SMPX: variants seen among roughly 807,000 people sequenced by gnomAD.
SMPX encodes small muscular protein.
In SMPX, 2 loss-of-function variants were observed where a neutral mutation model predicts 6.3. The ratio of observed to expected loss-of-function variants is 0.32; its 90% CI spans 0.13 to 0.99. SMPX has a LOEUF of 0.99. Ranked by LOEUF, SMPX falls within the 50% of genes least tolerant of loss-of-function variation. SMPX has a pLI of 0.49. For synonymous variants in SMPX, 32 were observed against 24.7 expected (o/e 1.30, Z -0.88); for missense variants, 60 against 66.8 (o/e 0.90, Z 0.36).
At chrX:21,710,703 C>T (rs1439844574) in intron 4 of SMPX, among the ~76,000 whole-genome samples, 2 of 111,417 alleles carry the variant, frequency 1.8e-5, no homozygotes, top group African/African-American at 6.5e-5. Context: ...TCTTTACTTA[C>T]TGCAGCTGAG....
intron 3 of SMPX, among the ~76,000 whole-genome samples, chrX:21,738,381 T>C (rs1028955356): frequency 9.0e-6 from 1 of 111,318 alleles, no homozygotes; most frequent in African/African-American, 3.3e-5. Flanking sequence ...TCTATGCCTC[T>C]ATGTACATAC....
intron 4 of SMPX, among the ~76,000 whole-genome samples, chrX:21,711,525 A>G (rs775431771): frequency 1.8e-5 from 2 of 112,072 alleles, no homozygotes; most frequent in African/African-American, 6.5e-5. Flanking sequence ...TCTAGTTTAC[A>G]TTTGGGAAGG....
At chrX:21,734,581 A>G (rs1450465114) in intron 4 of SMPX, among the ~76,000 whole-genome samples, 1 of 111,584 alleles carries the variant, frequency 9.0e-6, no homozygotes, top group Admixed American at 9.5e-5. Context: ...TTTGTGGCTG[A>G]ACATCCTACC....
intron 4 of SMPX, among the ~76,000 whole-genome samples, chrX:21,720,333 C>T (rs1392844098): frequency 8.9e-6 from 1 of 112,019 alleles, no homozygotes; most frequent in African/African-American, 3.2e-5. Flanking sequence ...CTCCTGATAG[C>T]AGTCATCACC....
intron 4 of SMPX, among the ~76,000 whole-genome samples, chrX:21,737,157 C>T (rs2092811341): frequency 9.0e-6 from 1 of 111,261 alleles, no homozygotes; most frequent in Non-Finnish European, 1.9e-5. Context: ...CTCTGATCCT[C>T]TAGCTCATGA....
intron 4 of SMPX, among the ~76,000 whole-genome samples, chrX:21,716,703 T>C (rs2092785512): frequency 9.0e-6 from 1 of 111,678 alleles, no homozygotes; most frequent in African/African-American, 3.3e-5. Context: ...CTCTTTGTGG[T>C]GCTGATGGTC....
intron 2 of SMPX, among the ~76,000 whole-genome samples, chrX:21,750,841 T>A (rs2092826732): frequency 8.9e-6 from 1 of 112,217 alleles, no homozygotes; most frequent in South Asian, 3.7e-4. Flanking sequence ...CCAAGGCCAT[T>A]CCATGCATTA....
chrX:21,711,402 T>C (rs1325718143), intron 4 of SMPX, among the ~76,000 whole-genome samples: 1 of 111,994 alleles, frequency 8.9e-6, no homozygotes, highest in African/African-American at 3.3e-5. Context: ...TTCTCCTGTA[T>C]GGGGACATTT....
chrX:21,712,830 G>C (rs1258977162), intron 4 of SMPX, among the ~76,000 whole-genome samples: 1 of 112,260 alleles, frequency 8.9e-6, no homozygotes, highest in African/African-American at 3.2e-5. Context: ...TTTATGCCTT[G>C]GCATTCAAGG....
At chrX:21,731,656 G>T (rs922903766) in intron 4 of SMPX, among the ~76,000 whole-genome samples, 2 of 98,232 alleles carry the variant, frequency 2.0e-5, no homozygotes, top group Non-Finnish European at 4.1e-5. Flanking sequence ...ACACATAAGT[G>T]TGTATGTGTA....
At chrX:21,726,309 C>A (rs890330697) in intron 4 of SMPX, among the ~76,000 whole-genome samples, 1 of 112,158 alleles carries the variant, frequency 8.9e-6, no homozygotes, top group Non-Finnish European at 1.9e-5. Flanking sequence ...TCGCAGAACT[C>A]AGATTCCCAA....
At chrX:21,749,640 G>A (rs1471494643) in intron 2 of SMPX, among the ~76,000 whole-genome samples, 1 of 112,025 alleles carries the variant, frequency 8.9e-6, no homozygotes, top group South Asian at 3.7e-4. Flanking sequence ...CTTACAAATT[G>A]TATAATCCTG....
At chrX:21,750,167 G>C (rs1237202887) in intron 2 of SMPX, among the ~76,000 whole-genome samples, 2 of 111,593 alleles carry the variant, frequency 1.8e-5, no homozygotes, top group Non-Finnish European at 3.8e-5. Flanking sequence ...ACAGATCATT[G>C]ATGGGATTAG....
Position 21,743,849 on chromosome X carries a change from A to T in SMPX, c.46-13T>A. 2 of 1,165,220 alleles carry T rather than the reference A, an allele frequency of 1.7e-6. No individual in the cohort carries two copies. Among genetic ancestry groups the T allele is most frequent in the Admixed American group, 4.4e-5 (2 of 45,938 alleles). On this transcript the variant is annotated splice_polypyrimidine_tract_variant and intron_variant, in intron 2 of 4. Coordinates refer to ENST00000379494, the MANE Select transcript of SMPX (RefSeq NM_014332.3). ...TATTGATATTTGCCTAAAAGAGAAA[A>T]CAGGGTAGGTTTAGCTCAAAAAAAG... is the stretch of plus-strand genomic sequence containing the variant.
At chrX:21,720,305 G>A (rs894505433) in intron 4 of SMPX, among the ~76,000 whole-genome samples, 3 of 112,018 alleles carry the variant, frequency 2.7e-5, no homozygotes, top group Admixed American at 1.9e-4. Flanking sequence ...GGTCCACATG[G>A]GAAGGCACCA....
intron 4 of SMPX, among the ~76,000 whole-genome samples, chrX:21,727,798 G>A (rs1472734136): frequency 8.9e-6 from 1 of 112,222 alleles, no homozygotes; most frequent in Admixed American, 9.4e-5. Flanking sequence ...GCAGTGGTAA[G>A]GGAGTACAAG....
intron 2 of SMPX, among the ~76,000 whole-genome samples, chrX:21,750,511 A>G (rs1183416316): frequency 1.8e-5 from 2 of 112,043 alleles, no homozygotes; most frequent in Non-Finnish European, 3.8e-5. Context: ...AAAGCCTAAA[A>G]TATTTATTAT....
At chrX:21,706,450 C>T (rs1369845630) in intron 4 of SMPX, 56 bp from the exon 5 acceptor site, 3 of 300,434 alleles carry the variant, frequency 1.0e-5, no homozygotes, top group Non-Finnish European at 1.8e-5. Flanking sequence ...GTCATTAAGG[C>T]ATAATTGACA....
chrX:21,743,737 G>T lies in SMPX; in HGVS notation c.132+13C>A, dbSNP rs755290687. ...AAAACATTGCTGTGTTCTGAGAGCT[G>T]AGTTTTCCTCACCTCCTCCACTTCA... On this transcript the variant is annotated intron_variant, in intron 3 of 4. Transcript: ENST00000379494. 5 of 1,185,042 alleles carry T rather than the reference G, an allele frequency of 4.2e-6. No homozygotes were observed. The highest frequency in any genetic ancestry group is 2.4e-4 in the Middle Eastern group (1 of 4,249).
Sources: allele counts gnomAD v4.1 joint callset (sites outside exome capture counted in the v4.1 genomes callset), GRCh38; gene constraint gnomAD v4.1.1; transcripts MANE v1.5; gene names NCBI Gene and HGNC (gene_info 2026-07-23, HGNC 2026-07-21).